Variants in NRG3 observed in about 807,000 individuals in gnomAD.
NRG3 encodes the protein pro-neuregulin-3, membrane-bound isoform.
Under a neutral mutation model 66.9 loss-of-function variants are expected in NRG3, and 31 were observed. The ratio of observed to expected loss-of-function variants is 0.46; its 90% CI spans 0.35 to 0.63. The LOEUF (loss-of-function observed/expected upper bound fraction) is 0.63. Ranked by LOEUF, NRG3 falls within the 20% of genes least tolerant of loss-of-function variation. NRG3 has a pLI of 0.00. For synonymous variants in NRG3, 393 were observed against 359.4 expected (o/e 1.09, Z -1.06); for missense variants, 910 against 878.9 (o/e 1.04, Z -0.45).
chr10:82,340,024 C>G (rs1007180185), intron 1 of NRG3, among the ~76,000 whole-genome samples: 4 of 152,030 alleles, frequency 2.6e-5, no homozygotes, highest in Non-Finnish European at 4.4e-5. Context: ...TGAATACTCT[C>G]GAAAGTGTCT....
At chr10:82,575,909 A>G (rs544127318) in intron 2 of NRG3, among the ~76,000 whole-genome samples, 1 of 151,742 alleles carries the variant, frequency 6.6e-6, no homozygotes, top group Non-Finnish European at 1.5e-5. Context: ...GTGTTTGGGG[A>G]ATAAATGAAT....
At position 82,397,765 on chromosome 10, in the gene NRG3, A is replaced by G. The variant is rs146739136; in HGVS notation, c.953+38897A>G. 2.0e-5 allele frequency among the ~76,000 whole-genome samples: 3 copies of G among 152,286 alleles called. No homozygotes were observed. The East Asian group carries it at 5.8e-4, about 29-fold the overall frequency. On this transcript the variant is annotated intron_variant, in intron 2 of 8. Transcript: ENST00000372141. ...AATATTTTTCTTTTTAAGATAGATA[A>G]CATCCCTCTTCACAAAGAGAAAAGA...
At chr10:82,595,309 A>G (rs1207998423) in intron 2 of NRG3, among the ~76,000 whole-genome samples, 1 of 152,186 alleles carries the variant, frequency 6.6e-6, no homozygotes, top group East Asian at 1.9e-4. Flanking sequence ...TGTGATGAGT[A>G]TATCCTCAAG....
chr10:82,346,460 G>A (rs947346958), intron 1 of NRG3, among the ~76,000 whole-genome samples: 3 of 146,462 alleles, frequency 2.0e-5, no homozygotes, highest in African/African-American at 7.8e-5. Context: ...TGCTGGATTC[G>A]GTTTGCCAGT....
intron 1 of NRG3, among the ~76,000 whole-genome samples, chr10:82,237,691 A>C (rs1043728807): frequency 2.0e-5 from 3 of 152,196 alleles, no homozygotes; most frequent in African/African-American, 7.2e-5. Context: ...TCTGAGCATA[A>C]ATGGCTCACT....
chr10:82,222,539 T>C (rs1159356052), intron 1 of NRG3, among the ~76,000 whole-genome samples: 1 of 152,164 alleles, frequency 6.6e-6, no homozygotes, highest in East Asian at 1.9e-4. Flanking sequence ...GAGGCCAAAT[T>C]AGGCCAAGTC....
intron 1 of NRG3, among the ~76,000 whole-genome samples, chr10:82,281,574 C>T (rs760525616): frequency 1.3e-4 from 20 of 152,070 alleles, no homozygotes; most frequent in Non-Finnish European, 2.1e-4. Context: ...TAAGACTCAA[C>T]GTAATTCAAC....
intron 2 of NRG3, among the ~76,000 whole-genome samples, chr10:82,482,683 G>C (rs974425942): frequency 1.3e-5 from 2 of 152,160 alleles, no homozygotes; most frequent in African/African-American, 4.8e-5. Flanking sequence ...TTGAGGGCCA[G>C]CCGCCTATTA....
chr10:81,877,823 C>T, intron 1 of NRG3: 1 of 1,434,362 alleles, frequency 7.0e-7, no homozygotes, highest in Admixed American at 2.7e-5. Context: ...AGCCTCCACT[C>T]AACAAATCTA....
chr10:82,928,786 C>T (rs2026496), intron 4 of NRG3, among the ~76,000 whole-genome samples: 14,279 of 152,084 alleles, frequency 0.094, 898 homozygotes, highest in African/African-American at 0.16. Context: ...TGTGTTTGGC[C>T]CCTGGGCTGT....
intron 1 of NRG3, among the ~76,000 whole-genome samples, chr10:82,003,986 AAAAC>A (rs1171858122): frequency 1.3e-4 from 15 of 116,224 alleles, no homozygotes; most frequent in African/African-American, 6.7e-4. Context: ...TACCTGACTG[AAAAC>A]ACACACACAC....
chr10:82,210,899 A>AT (rs2075361726), intron 1 of NRG3, among the ~76,000 whole-genome samples: 1 of 149,620 alleles, frequency 6.7e-6, no homozygotes, highest in Non-Finnish European at 1.5e-5. Context: ...GGAAGTAAGC[A>AT]TTTGCATTTC....
intron 4 of NRG3, among the ~76,000 whole-genome samples, chr10:82,915,227 T>C (rs1197455230): frequency 6.6e-6 from 1 of 152,230 alleles, no homozygotes. Flanking sequence ...GTTTTTAAGG[T>C]AGCAGTTTGC....
intron 3 of NRG3, among the ~76,000 whole-genome samples, chr10:82,861,296 T>G (rs2064115073): frequency 6.6e-6 from 1 of 152,162 alleles, no homozygotes; most frequent in Non-Finnish European, 1.5e-5. Flanking sequence ...TAATAAATAA[T>G]TTCCCATTAA....
chr10:81,963,124 T>C (rs1383938957), intron 1 of NRG3, among the ~76,000 whole-genome samples: 5 of 129,502 alleles, frequency 3.9e-5, no homozygotes, highest in African/African-American at 1.6e-4. Flanking sequence ...CCACGAGGGC[T>C]CTTTTTTTTT....
intron 2 of NRG3, among the ~76,000 whole-genome samples, chr10:82,483,003 G>A (rs1023803508): frequency 6.6e-6 from 1 of 152,072 alleles, no homozygotes; most frequent in Non-Finnish European, 1.5e-5. Flanking sequence ...AAGGATGCAA[G>A]AATTTTCTTA....
At chr10:82,463,458 C>T (rs2091616039) in intron 2 of NRG3, among the ~76,000 whole-genome samples, 1 of 152,174 alleles carries the variant, frequency 6.6e-6, no homozygotes, top group African/African-American at 2.4e-5. Flanking sequence ...TTTTAAATAG[C>T]TATACAGCAG....
chr10:82,081,931 G>A (rs763833209), intron 1 of NRG3, among the ~76,000 whole-genome samples: 1 of 152,180 alleles, frequency 6.6e-6, no homozygotes, highest in African/African-American at 2.4e-5. Context: ...GAGGTAGGAG[G>A]ATGGCTTGAG....
intron 2 of NRG3, among the ~76,000 whole-genome samples, chr10:82,538,579 C>A (rs2043320637): frequency 6.6e-6 from 1 of 151,886 alleles, no homozygotes; most frequent in Non-Finnish European, 1.5e-5. Flanking sequence ...CCATTTATTG[C>A]AATCTATGTT....
Sources: gnomAD v4.1 joint callset for allele counts (sites outside exome capture counted in the v4.1 genomes callset) on GRCh38, gnomAD v4.1.1 for gene constraint, MANE v1.5 for transcripts, NCBI Gene and HGNC (gene_info 2026-07-23, HGNC 2026-07-21) for gene names.